The following ADAMTS3 variants were observed in gnomAD, a reference collection of about 807,000 sequenced individuals.
ADAMTS3 encodes the protein A disintegrin and metalloproteinase with thrombospondin motifs 3.
Under a neutral mutation model 129.0 loss-of-function variants are expected in ADAMTS3, and 73 were observed. The ratio of observed to expected loss-of-function variants is 0.57; its 90% CI spans 0.47 to 0.69. The LOEUF is 0.69. ADAMTS3 is among the 30% of genes least tolerant of loss of function. The pLI, the probability that ADAMTS3 is intolerant of heterozygous loss-of-function variation, is 0.00. For missense variants in ADAMTS3, 1,457 were observed against 1,514.5 expected (o/e 0.96, Z 0.63); for synonymous variants, 477 against 510.8 (o/e 0.93, Z 0.89).
At chr4:72,561,383 T>G (rs571004132) in intron 2 of ADAMTS3, among the ~76,000 whole-genome samples, 14 of 152,040 alleles carry the variant, frequency 9.2e-5, no homozygotes, top group African/African-American at 3.4e-4. Context: ...GGGGCCAGTG[T>G]AGTCCCAGCT....
chr4:72,548,567 T>G lies in ADAMTS3; in HGVS notation c.415A>C (p.Thr139Pro). 3 of 1,613,960 alleles carry G rather than the reference T, an allele frequency of 1.9e-6. No homozygotes were observed. The highest frequency in any genetic ancestry group is 2.5e-6 in the Non-Finnish European group (3 of 1,179,894). Reference protein sequence around the residue: ...PGSATYRIRRTEPLQTNCAYV... With the variant: ...PGSATYRIRRPEPLQTNCAYV... ...GCACAGTTAGTCTGCAAAGGCTCTG[T>G]TCTCCGGATTCTATACGTAGCACTT... Residue 139 changes from threonine (T) to proline (P), a missense_variant, in exon 3 of 22, where the codon ACA becomes CCA. By Grantham distance (38) the Thr-to-Pro change is conservative. Coordinates refer to ENST00000286657, the MANE Select transcript of ADAMTS3 (RefSeq NM_014243.3).
intron 4 of ADAMTS3, among the ~76,000 whole-genome samples, chr4:72,409,409 T>C (rs1419421952): frequency 6.6e-6 from 1 of 152,192 alleles, no homozygotes; most frequent in Admixed American, 6.5e-5. Context: ...CCCTGATGTA[T>C]GTTTACTGCC....
chr4:72,510,902 C>G (rs1429296480), intron 3 of ADAMTS3, among the ~76,000 whole-genome samples: 1 of 140,904 alleles, frequency 7.1e-6, no homozygotes, highest in Admixed American at 7.2e-5. Flanking sequence ...ATAAACAAAA[C>G]AGCATGATAC....
intron 3 of ADAMTS3, among the ~76,000 whole-genome samples, chr4:72,493,589 AATGT>A (rs1719800926): frequency 1.3e-5 from 2 of 152,106 alleles, no homozygotes; most frequent in South Asian, 2.1e-4. Flanking sequence ...TTTATCTATT[AATGT>A]ATGTGTTAAT....
intron 3 of ADAMTS3, among the ~76,000 whole-genome samples, chr4:72,458,743 G>C (rs984524388): frequency 1.3e-5 from 2 of 151,376 alleles, no homozygotes; most frequent in African/African-American, 4.8e-5. Context: ...AACTTCTAAG[G>C]TAAATAATAA....
chr4:72,534,320 C>T (rs1257516716), intron 3 of ADAMTS3, among the ~76,000 whole-genome samples: 1 of 151,310 alleles, frequency 6.6e-6, no homozygotes, highest in African/African-American at 2.4e-5. Flanking sequence ...GAGCGAGACT[C>T]CGTCTCAAAA....
intron 3 of ADAMTS3, among the ~76,000 whole-genome samples, chr4:72,498,558 T>C (rs533074641): frequency 6.6e-6 from 1 of 152,038 alleles, no homozygotes; most frequent in Non-Finnish European, 1.5e-5. Context: ...AGGATATTAA[T>C]GTATTCCAAA....
At chr4:72,294,536 A>C (rs1288413681) in intron 19 of ADAMTS3, among the ~76,000 whole-genome samples, 1 of 152,110 alleles carries the variant, frequency 6.6e-6, no homozygotes, top group African/African-American at 2.4e-5. Flanking sequence ...GTATGCATAC[A>C]TCAAAACATT....
At position 72,295,856 on chromosome 4, in the gene ADAMTS3, T is replaced by C. The variant is rs928705568; in HGVS notation, c.2591-70A>G. 37 of 1,527,008 alleles carry C rather than the reference T, an allele frequency of 2.4e-5. No homozygotes were observed. In the Admixed American group the frequency reaches 7.0e-4, roughly 29 times the overall value. 94.6% of individuals were successfully genotyped at this position (1,527,008 alleles called of 1,614,324 possible). On this transcript the variant is annotated intron_variant, in intron 18 of 21. Transcript: ENST00000286657. ...GCTGATAGTTACTTGATTATTCACT[T>C]ACTCATTCATACATTTATTCATCCA...
chr4:72,347,233 T>C (rs1720309844), intron 4 of ADAMTS3, among the ~76,000 whole-genome samples: 1 of 151,890 alleles, frequency 6.6e-6, no homozygotes, highest in African/African-American at 2.4e-5. Flanking sequence ...GTCTTTTCAG[T>C]TTCACAAACC....
At chr4:72,346,782 G>A (rs1720297284) in intron 4 of ADAMTS3, among the ~76,000 whole-genome samples, 1 of 152,062 alleles carries the variant, frequency 6.6e-6, no homozygotes, top group African/African-American at 2.4e-5. Flanking sequence ...GCTAAATCCA[G>A]CGACTCTAGG....
chr4:72,553,258 T>G (rs1330712893), intron 2 of ADAMTS3, among the ~76,000 whole-genome samples: 1 of 152,156 alleles, frequency 6.6e-6, no homozygotes, highest in Non-Finnish European at 1.5e-5. Context: ...CAAACATTTC[T>G]TAGTATCCAG....
intron 3 of ADAMTS3, among the ~76,000 whole-genome samples, chr4:72,514,277 T>C (rs966884986): frequency 2.0e-5 from 3 of 152,158 alleles, no homozygotes; most frequent in Non-Finnish European, 4.4e-5. Context: ...TTACAAGTAC[T>C]TCTAGGAGGC....
At chr4:72,467,220 T>C (rs1205032782) in intron 3 of ADAMTS3, among the ~76,000 whole-genome samples, 2 of 152,036 alleles carry the variant, frequency 1.3e-5, no homozygotes, top group Non-Finnish European at 2.9e-5. Flanking sequence ...GTCTGCAGAT[T>C]CAAAATTATA....
chr4:72,390,312 A>G (rs1187139366), intron 4 of ADAMTS3, among the ~76,000 whole-genome samples: 7 of 152,196 alleles, frequency 4.6e-5, no homozygotes, highest in African/African-American at 1.4e-4. Flanking sequence ...TAAAATAATA[A>G]TAAGTACATT....
intron 5 of ADAMTS3, 98 bp downstream of exon 5, chr4:72,339,396 C>A: frequency 9.1e-7 from 1 of 1,100,488 alleles, no homozygotes; most frequent in Non-Finnish European, 1.3e-6. Context: ...TATTTTGGCA[C>A]AGTCATGGAA....
chr4:72,389,777 C>T (rs1721541215), intron 4 of ADAMTS3, among the ~76,000 whole-genome samples: 1 of 152,006 alleles, frequency 6.6e-6, no homozygotes, highest in Admixed American at 6.6e-5. Context: ...GGGTTTATAC[C>T]AATATTTAAT....
intron 18 of ADAMTS3, 108 bp from the exon 19 acceptor site, chr4:72,295,894 G>T: frequency 4.5e-6 from 6 of 1,335,666 alleles, no homozygotes; most frequent in Non-Finnish European, 6.2e-6. Flanking sequence ...CAATAAATAT[G>T]TATTGAGTGC....
At chr4:72,521,179 G>T (rs540401598) in intron 3 of ADAMTS3, among the ~76,000 whole-genome samples, 5 of 152,068 alleles carry the variant, frequency 3.3e-5, no homozygotes, top group Admixed American at 3.3e-4. Flanking sequence ...TGTAGTTTTA[G>T]TAGAGACAGG....
Sources: allele counts gnomAD v4.1 joint callset (sites outside exome capture counted in the v4.1 genomes callset), GRCh38; gene constraint gnomAD v4.1.1; transcripts MANE v1.5; gene names NCBI Gene and HGNC (gene_info 2026-07-23, HGNC 2026-07-21).